The following PPP1R13B variants were observed in gnomAD, a reference collection of about 807,000 sequenced individuals.
PPP1R13B encodes the protein protein phosphatase 1 regulatory subunit 13B.
In PPP1R13B, 44 loss-of-function variants were observed where a neutral mutation model predicts 119.8. That is an observed-to-expected ratio of 0.37 (90% confidence interval 0.29 to 0.47). PPP1R13B has a LOEUF of 0.47. Ranked by LOEUF, PPP1R13B falls within the 20% of genes least tolerant of loss-of-function variation. The probability of loss-of-function intolerance (pLI) is 0.99; values close to 1 mark genes in which losing one functional copy is unlikely to be tolerated. For synonymous variants in PPP1R13B, 542 were observed against 561.5 expected, an observed-to-expected ratio of 0.97 and a Z score of 0.49; for missense variants, 1,227 against 1,413.5, an observed-to-expected ratio of 0.87 and a Z score of 2.12.
chr14:103,746,399 T>C lies in PPP1R13B; in HGVS notation c.1124A>G (p.Asn375Ser). The C allele has an allele frequency of 1.2e-6, 2 of 1,609,756 alleles. No homozygotes were observed. The highest frequency in any genetic ancestry group is 2.2e-5 in the South Asian group (2 of 90,870). Reference protein sequence around the residue: ...IKPQSLSIASNAAHGRSKSAN... With the variant: ...IKPQSLSIASSAAHGRSKSAN... ...GGATTTGGATCTTCCATGAGCAGCATTTGAGGCAATACTGAGAGACTGGGG... is the reference window on the plus strand; with the variant it reads ...GGATTTGGATCTTCCATGAGCAGCACTTGAGGCAATACTGAGAGACTGGGG... The change falls in exon 9 of 17, where the codon AAT becomes AGT. Residue 375 changes from asparagine to serine, a missense_variant. Physicochemically the swap from Asn to Ser is conservative, Grantham distance 46. Coordinates refer to ENST00000202556, the MANE Select transcript of PPP1R13B (RefSeq NM_015316.3).
intron 14 of PPP1R13B, 33 bp from the exon 15 acceptor site, chr14:103,737,893 G>C (rs1187658284): frequency 1.9e-6 from 3 of 1,599,980 alleles, no homozygotes; most frequent in Non-Finnish European, 2.6e-6. Context: ...GTGCAGGCCT[G>C]GCACTGCCTG....
chr14:103,741,254 G>A (rs1012273300), intron 11 of PPP1R13B, among the ~76,000 whole-genome samples: 12 of 152,262 alleles, frequency 7.9e-5, no homozygotes, highest in African/African-American at 2.9e-4. Context: ...AGCCTCTGTG[G>A]TAGGTGTGGA....
At chr14:103,798,904 G>A (rs1725844374) in intron 1 of PPP1R13B, among the ~76,000 whole-genome samples, 2 of 151,890 alleles carry the variant, frequency 1.3e-5, no homozygotes, top group Non-Finnish European at 2.9e-5. Flanking sequence ...TGCCCAGGCT[G>A]GTCTCAAACT....
In PPP1R13B at chr14:103,846,445, C is replaced by G. The variant is rs576412987; in HGVS notation, c.9+854G>C. 7.2e-5 allele frequency among the ~76,000 whole-genome samples: 11 copies of G among 152,314 alleles called. No homozygotes were observed. In the South Asian group the frequency reaches 2.3e-3, roughly 32 times the overall value. The stretch of plus-strand genomic sequence containing the variant: ...GTAGGTTAAAAAAATGACTGTGTTA[C>G]TTTACTATAAACGTGTTTGAGAATT... On this transcript the variant is annotated intron_variant, in intron 1 of 16. Transcript: ENST00000202556.
At chr14:103,817,994 T>C (rs2086319140) in intron 1 of PPP1R13B, among the ~76,000 whole-genome samples, 1 of 152,078 alleles carries the variant, frequency 6.6e-6, no homozygotes. Flanking sequence ...AATTATCAGA[T>C]GGGTAAATCA....
chr14:103,789,433 C>G (rs1479696274), intron 2 of PPP1R13B, among the ~76,000 whole-genome samples: 2 of 151,996 alleles, frequency 1.3e-5, no homozygotes, highest in African/African-American at 2.4e-5. Flanking sequence ...CCAGGCTGGT[C>G]TCAAACTCCT....
chr14:103,825,117 T>A (rs2086506695), intron 1 of PPP1R13B, among the ~76,000 whole-genome samples: 1 of 152,198 alleles, frequency 6.6e-6, no homozygotes, highest in Non-Finnish European at 1.5e-5. Flanking sequence ...TCTTTAACGT[T>A]ACTATTGTAA....
chr14:103,826,233 G>C (rs568517275), intron 1 of PPP1R13B, among the ~76,000 whole-genome samples: 1 of 152,164 alleles, frequency 6.6e-6, no homozygotes, highest in African/African-American at 2.4e-5. Flanking sequence ...ACTTTATTGC[G>C]ATTATTTGCT....
intron 4 of PPP1R13B, among the ~76,000 whole-genome samples, chr14:103,772,500 T>C (rs2085095236): frequency 6.6e-6 from 1 of 152,222 alleles, no homozygotes; most frequent in Non-Finnish European, 1.5e-5. Flanking sequence ...ACACTTGTTA[T>C]GATCAGTCTT....
intron 7 of PPP1R13B, 114 bp from the exon 8 acceptor site, chr14:103,750,048 G>GAGAA: frequency 3.7e-6 from 4 of 1,070,440 alleles, no homozygotes; most frequent in Non-Finnish European, 5.4e-6. Flanking sequence ...ATATTTACAT[G>GAGAA]CATGCACTGC....
intron 5 of PPP1R13B, among the ~76,000 whole-genome samples, chr14:103,754,991 C>G (rs2084640818): frequency 6.6e-6 from 1 of 152,086 alleles, no homozygotes; most frequent in Non-Finnish European, 1.5e-5. Flanking sequence ...ACTGTGTTAG[C>G]CAGGATGGTC....
At position 103,742,197 on chromosome 14, in the gene PPP1R13B, C is replaced by T. The variant is rs772297469; in HGVS notation, c.1415G>A (p.Gly472Asp). The T allele has an allele frequency of 1.9e-6, 3 of 1,604,074 alleles. No individual in the cohort carries two copies. Among genetic ancestry groups the T allele is most frequent in the Non-Finnish European group, 2.5e-6 (3 of 1,179,948 alleles). ...YGTYPSPTPLGPGSTSSLERR... is the reference protein window; with the variant it reads ...YGTYPSPTPLDPGSTSSLERR... ...TTCCAGGGAGCTTGTCGACCCAGGACCCAGAGGTGTAGGACTTGGGTATGT... is the reference window on the plus strand; with the variant it reads ...TTCCAGGGAGCTTGTCGACCCAGGATCCAGAGGTGTAGGACTTGGGTATGT... Residue 472 changes from glycine (G) to aspartate (D), a missense_variant, in exon 11 of 17, where the codon GGT becomes GAT. By Grantham distance (94) the Gly-to-Asp change is moderately conservative. Transcript: ENST00000202556. The surrounding 1 kb of genome is among the most constrained non-coding windows in gnomAD (Gnocchi z 4.9).
At chr14:103,814,343 C>T (rs1266816786) in intron 1 of PPP1R13B, among the ~76,000 whole-genome samples, 6 of 151,994 alleles carry the variant, frequency 3.9e-5, no homozygotes, top group South Asian at 4.2e-4. Context: ...AGCAAGACTC[C>T]GTCTCAAAAT....
chr14:103,826,731 A>G (rs1489479279), intron 1 of PPP1R13B, among the ~76,000 whole-genome samples: 1 of 150,296 alleles, frequency 6.7e-6, no homozygotes, highest in Non-Finnish European at 1.5e-5. Flanking sequence ...AAAAAAAGCC[A>G]GGTGCAGTGG....
chr14:103,846,852 A>C lies in PPP1R13B; in HGVS notation c.9+447T>G, dbSNP rs1305315424. ...TGCACTCGGCACCTTTCCTCAGTACAACCGCGAAGGCTACGGGAATGCGCC... is the reference window on the plus strand; with the variant it reads ...TGCACTCGGCACCTTTCCTCAGTACCACCGCGAAGGCTACGGGAATGCGCC... On this transcript the variant is annotated intron_variant, in intron 1 of 16. Coordinates refer to ENST00000202556, the MANE Select transcript of PPP1R13B (RefSeq NM_015316.3). 8 of 513,344 alleles carry C rather than the reference A, an allele frequency of 1.6e-5. 1 individual carries two copies. The Admixed American group carries it at 1.6e-4, about 11-fold the overall frequency. 31.8% of individuals were successfully genotyped at this position (513,344 alleles called of 1,614,324 possible). A position where few individuals can be genotyped will look rare whatever the true frequency, so the allele number is the denominator to read the frequency against.
chr14:103,757,619 CA>C (rs1225837588), intron 5 of PPP1R13B, 30 bp downstream of exon 5: 1 of 1,594,500 alleles, frequency 6.3e-7, no homozygotes, highest in Non-Finnish European at 8.6e-7. Context: ...ACTTTTTGAA[CA>C]ATGTTTCAAT....
chr14:103,793,663 C>A (rs1162680939), intron 2 of PPP1R13B, among the ~76,000 whole-genome samples: 2 of 151,824 alleles, frequency 1.3e-5, no homozygotes, highest in African/African-American at 4.9e-5. Context: ...TAATGGAAAT[C>A]TATTATAAGA....
intron 1 of PPP1R13B, 138 bp downstream of exon 1, chr14:103,847,161 C>A: frequency 2.0e-6 from 2 of 989,862 alleles, no homozygotes; most frequent in South Asian, 4.6e-5. Flanking sequence ...CGCGGCCGGG[C>A]GCGCCCGCCC....
chr14:103,847,915 C>T (rs2087108865), upstream of PPP1R13B, among the ~76,000 whole-genome samples: 1 of 151,760 alleles, frequency 6.6e-6, no homozygotes. Flanking sequence ...CACGGCAGGG[C>T]CGGGACTCGA....
Sources: gnomAD v4.1 joint callset for allele counts (sites outside exome capture counted in the v4.1 genomes callset) on GRCh38, gnomAD v4.1.1 for gene constraint, Gnocchi (gnomAD v3.1) non-coding constraint, MANE v1.5 for transcripts, NCBI Gene and HGNC (gene_info 2026-07-23, HGNC 2026-07-21) for gene names.